The following SPAG16 variants were observed in gnomAD, a reference collection of about 807,000 sequenced individuals.
SPAG16 encodes the protein sperm-associated antigen 16 protein.
SPAG16 carries 86 observed loss-of-function variants against 80.4 expected under a neutral mutation model. That is an observed-to-expected ratio of 1.07 (90% CI 0.90 to 1.28). SPAG16 has a LOEUF of 1.28. SPAG16 is among the 50% of genes most tolerant of loss of function. The pLI is 0.00. For synonymous variants in SPAG16, 294 were observed against 265.9 expected, an observed-to-expected ratio of 1.11 and a Z score of -1.03; for missense variants, 870 against 765.3, an observed-to-expected ratio of 1.14 and a Z score of -1.61.
intron 12 of SPAG16, among the ~76,000 whole-genome samples, chr2:213,948,931 T>C (rs1170670412): frequency 6.6e-6 from 1 of 152,148 alleles, no homozygotes; most frequent in Non-Finnish European, 1.5e-5. Context: ...CTTAACTAAA[T>C]AGTCCCTCAG....
intron 9 of SPAG16, among the ~76,000 whole-genome samples, chr2:213,394,523 C>A (rs2067937740): frequency 6.6e-6 from 1 of 152,068 alleles, no homozygotes; most frequent in African/African-American, 2.4e-5. Context: ...TTGATATAAT[C>A]AAGGTATGGA....
intron 12 of SPAG16, among the ~76,000 whole-genome samples, chr2:213,936,361 A>G (rs768314596): frequency 1.3e-5 from 2 of 152,196 alleles, no homozygotes; most frequent in South Asian, 4.1e-4. Flanking sequence ...ATGGGAAACC[A>G]TTAGTGGGTT....
At chr2:213,893,570 T>C (rs890843915) in intron 11 of SPAG16, among the ~76,000 whole-genome samples, 2 of 152,110 alleles carry the variant, frequency 1.3e-5, no homozygotes, top group Non-Finnish European at 2.9e-5. Context: ...AGAGCCAAAA[T>C]GTATGTGTGT....
chr2:213,621,356 C>T (rs1392372289), intron 10 of SPAG16, among the ~76,000 whole-genome samples: 1 of 151,968 alleles, frequency 6.6e-6, no homozygotes, highest in Non-Finnish European at 1.5e-5. Context: ...AGATAAGTAA[C>T]AATTTAAACA....
chr2:213,727,483 G>A (rs2066822601), intron 10 of SPAG16, among the ~76,000 whole-genome samples: 1 of 152,134 alleles, frequency 6.6e-6, no homozygotes, highest in Admixed American at 6.5e-5. Context: ...AGATAATTGA[G>A]CAAAAACAGG....
chr2:214,057,377 G>T (rs185978949), intron 13 of SPAG16, among the ~76,000 whole-genome samples: 1 of 152,008 alleles, frequency 6.6e-6, no homozygotes, highest in East Asian at 1.9e-4. Flanking sequence ...AGAGCTCCTG[G>T]GTGACCTGGT....
intron 1 of SPAG16, 41 bp from the exon 2 acceptor site, chr2:213,296,023 A>T (rs1335249432): frequency 6.4e-7 from 1 of 1,560,242 alleles, no homozygotes; most frequent in Admixed American, 1.7e-5. Flanking sequence ...CAATAATTTT[A>T]TTCTATATTT....
chr2:213,389,449 C>A (rs761280755), intron 9 of SPAG16, among the ~76,000 whole-genome samples: 9 of 152,172 alleles, frequency 5.9e-5, no homozygotes, highest in Middle Eastern at 6.8e-3. Context: ...GAAAGACTGT[C>A]ATCAGAGTAA....
chr2:214,266,597 T>G (rs553306407), intron 15 of SPAG16, among the ~76,000 whole-genome samples: 8 of 151,756 alleles, frequency 5.3e-5, no homozygotes, highest in Non-Finnish European at 1.2e-4. Flanking sequence ...GACAGGGCAT[T>G]TAGGCTAAAG....
At position 213,297,293 on chromosome 2, in the gene SPAG16, G is replaced by C; in HGVS notation, c.215G>C (p.Gly72Ala). The part of the protein sequence containing the change: ...IPDDNFSIPE[G>A]EEDLAKAIQM... Reference sequence around the variant, plus strand: ...GATGACAATTTTAGCATCCCAGAAGGTGAAGAAGATCTGGCAAAAGCAATT... The same window carrying C: ...GATGACAATTTTAGCATCCCAGAAGCTGAAGAAGATCTGGCAAAAGCAATT... The change falls in exon 3 of 16, where the codon GGT becomes GCT. Residue 72 changes from glycine to alanine, a missense_variant. Coordinates refer to ENST00000331683, the MANE Select transcript of SPAG16 (RefSeq NM_024532.5). 1.2e-6 allele frequency: 2 copies of C among 1,612,698 alleles called. No individual in the cohort carries two copies. The highest frequency in any genetic ancestry group is 1.7e-6 in the Non-Finnish European group (2 of 1,179,118).
At chr2:213,348,712 C>G (rs1029758789) in intron 6 of SPAG16, among the ~76,000 whole-genome samples, 1 of 152,218 alleles carries the variant, frequency 6.6e-6, no homozygotes, top group Non-Finnish European at 1.5e-5. Context: ...GGCCCCCACT[C>G]TCTTCTGGCT....
At chr2:214,127,141 T>C (rs2054534479) in intron 14 of SPAG16, among the ~76,000 whole-genome samples, 1 of 151,790 alleles carries the variant, frequency 6.6e-6, no homozygotes, top group African/African-American at 2.4e-5. Context: ...AGAAATCTAG[T>C]GCTTCTCTAA....
At chr2:214,131,681 C>CT (rs2054790603) in intron 14 of SPAG16, among the ~76,000 whole-genome samples, 1 of 151,864 alleles carries the variant, frequency 6.6e-6, no homozygotes, top group Admixed American at 6.6e-5. Flanking sequence ...CTTAAATGCA[C>CT]ATTACTAAGT....
chr2:214,228,729 T>A (rs1222323963), intron 15 of SPAG16, among the ~76,000 whole-genome samples: 4 of 151,910 alleles, frequency 2.6e-5, no homozygotes, highest in African/African-American at 9.7e-5. Context: ...ACAACTACTC[T>A]CCTATTGAGC....
chr2:214,318,373 C>CTTTTTTTTTTTT (rs34923875), intron 15 of SPAG16, among the ~76,000 whole-genome samples: 1 of 69,804 alleles, frequency 1.4e-5, no homozygotes, highest in Admixed American at 1.9e-4. Flanking sequence ...AGAGTGAATT[C>CTTTTTTTTTTTT]TTTTTTTTTT....
At chr2:214,229,145 C>T (rs1003623333) in intron 15 of SPAG16, among the ~76,000 whole-genome samples, 6 of 148,050 alleles carry the variant, frequency 4.1e-5, no homozygotes, top group African/African-American at 7.5e-5. Flanking sequence ...CCATCTACCA[C>T]GAGAAGCAGG....
chr2:214,211,785 T>A (rs1390890505), intron 15 of SPAG16, among the ~76,000 whole-genome samples: 1 of 152,172 alleles, frequency 6.6e-6, no homozygotes, highest in Non-Finnish European at 1.5e-5. Flanking sequence ...GCTTGCTCCA[T>A]CCCAGTTTTC....
intron 9 of SPAG16, among the ~76,000 whole-genome samples, chr2:213,404,001 G>A (rs529377893): frequency 0.053 from 8,134 of 152,110 alleles, 700 homozygotes; most frequent in African/African-American, 0.18. Flanking sequence ...AACTTACAAG[G>A]GATGTGAAGG....
At chr2:213,520,492 G>A (rs951934917) in intron 10 of SPAG16, among the ~76,000 whole-genome samples, 5 of 152,150 alleles carry the variant, frequency 3.3e-5, no homozygotes, top group Non-Finnish European at 7.4e-5. Flanking sequence ...TACTCTGGAG[G>A]CTGAGGCAGG....
Sources: allele counts gnomAD v4.1 joint callset (sites outside exome capture counted in the v4.1 genomes callset), GRCh38; gene constraint gnomAD v4.1.1; transcripts MANE v1.5; gene names NCBI Gene and HGNC (gene_info 2026-07-23, HGNC 2026-07-21).